Variants in WNT2B observed in about 807,000 individuals in gnomAD.
The protein encoded by WNT2B is Wnt family member 2B.
A neutral mutation model predicts 40.5 loss-of-function variants in WNT2B; 19 were observed. That is an observed-to-expected ratio of 0.47 (90% CI 0.33 to 0.69). The LOEUF (loss-of-function observed/expected upper bound fraction) is 0.69. Among genes scored for constraint, WNT2B ranks in the 30% least tolerant of loss-of-function variants. The pLI, the probability that WNT2B is intolerant of heterozygous loss-of-function variation, is 0.02. For synonymous variants in WNT2B, 220 were observed against 211.9 expected, an observed-to-expected ratio of 1.04 and a Z score of -0.33; for missense variants, 467 against 556.4, an observed-to-expected ratio of 0.84 and a Z score of 1.62.
intron 1 of WNT2B, among the ~76,000 whole-genome samples, chr1:112,489,329 C>T (rs1188525769): frequency 7.3e-5 from 11 of 151,646 alleles, no homozygotes; most frequent in African/African-American, 9.7e-5. Flanking sequence ...GAGGCCGAGG[C>T]GGGCAGATTA....
In WNT2B at chr1:112,522,018, T is replaced by C. The variant is rs1037802481; in HGVS notation, c.*1509T>C. The C allele has an allele frequency of 2.0e-5, 3 of 152,180 alleles. No homozygotes were observed. The highest frequency in any genetic ancestry group is 7.2e-5 in the African/African-American group (3 of 41,428). The allele number at this position is 152,180 out of a possible 1,614,324, so 9.4% of individuals were successfully genotyped here. Reference sequence around the variant, plus strand: ...TCTGTAAAATGAGGATACGTACCTGTTCTTTTTTTTCTTTCTTTTTATTTC... The same window carrying C: ...TCTGTAAAATGAGGATACGTACCTGCTCTTTTTTTTCTTTCTTTTTATTTC... On this transcript the variant is annotated 3_prime_UTR_variant, in exon 5 of 5. Transcript: ENST00000369684.
intron 1 of WNT2B, among the ~76,000 whole-genome samples, chr1:112,468,004 T>C (rs1296340671): frequency 6.6e-6 from 1 of 152,210 alleles, no homozygotes; most frequent in African/African-American, 2.4e-5. Flanking sequence ...CATTCTATTC[T>C]CTATGGCCAT....
rs537315534 is a variant in WNT2B at position 112,526,150 on chromosome 1, TAGG to T, written c.*5644_*5646del. The T allele has an allele frequency of 2.4e-4, 390 of 1,613,450 alleles. 6 individuals carry two copies. In the South Asian group the frequency reaches 4.1e-3, roughly 17 times the overall value. On this transcript the variant is annotated 3_prime_UTR_variant, in exon 5 of 5. Coordinates refer to ENST00000369684, the MANE Select transcript of WNT2B (RefSeq NM_024494.3). ...ATTGATACAAAATGTTCAAGCCCTGTAGGAGTCCCAGGACAGCCAAGAGAGTAT... is the reference window on the plus strand; with the variant it reads ...ATTGATACAAAATGTTCAAGCCCTGTAGTCCCAGGACAGCCAAGAGAGTAT...
intron 1 of WNT2B, among the ~76,000 whole-genome samples, chr1:112,511,632 A>G (rs1652354139): frequency 6.6e-6 from 1 of 152,074 alleles, no homozygotes; most frequent in African/African-American, 2.4e-5. Context: ...TTACTCTCTA[A>G]CCACTGCCCT....
chr1:112,509,385 T>C lies in WNT2B; in HGVS notation c.123T>C (p.Leu41=). The change falls in exon 1 of 5, where the codon CTT becomes CTC. Residue 41 remains leucine (L), a synonymous_variant. Coordinates refer to ENST00000369684, the MANE Select transcript of WNT2B (RefSeq NM_024494.3). This position sits in a 1 kb window ranked among gnomAD's most constrained non-coding sequence, Gnocchi z 4.2. ...DGSRASARLG[L]ACLLLLLLLT... is the part of the protein sequence containing the mutation. ...CCCGGGCTTCGGCCCGCCTAGGTCT[T>C]GCCTGCCTTCTGCTCCTGCTGCTGC... 6.3e-7 allele frequency: 1 copy of C among 1,596,968 alleles called. No homozygotes were observed. The highest frequency in any genetic ancestry group is 1.7e-5 in the Admixed American group (1 of 59,480).
chr1:112,479,287 G>T (rs980687274), intron 1 of WNT2B, among the ~76,000 whole-genome samples: 1 of 151,564 alleles, frequency 6.6e-6, no homozygotes, highest in Non-Finnish European at 1.5e-5. Context: ...ACAAAAATTT[G>T]CAGGGGCTGG....
chr1:112,496,097 A>C (rs1456338238), intron 1 of WNT2B, among the ~76,000 whole-genome samples: 1 of 152,156 alleles, frequency 6.6e-6, no homozygotes, highest in African/African-American at 2.4e-5. Context: ...CATGAATTCC[A>C]TGGGGGATGG....
In WNT2B at chr1:112,529,346, G is replaced by A. The variant is rs1017752703; in HGVS notation, c.*8837G>A. On this transcript the variant is annotated 3_prime_UTR_variant, in exon 5 of 5. Coordinates refer to ENST00000369684, the MANE Select transcript of WNT2B (RefSeq NM_024494.3). Reference sequence around the variant, plus strand: ...CTCCCCTAGGTAGTTTATAAAGGGTGATTTCTGAAACCCTTCACAAAAGAA... The same window carrying A: ...CTCCCCTAGGTAGTTTATAAAGGGTAATTTCTGAAACCCTTCACAAAAGAA... The A allele has an allele frequency of 6.6e-6, 1 of 152,136 alleles. No individual in the cohort carries two copies. The highest frequency in any genetic ancestry group is 1.5e-5 in the Non-Finnish European group (1 of 68,030). 9.4% of individuals were successfully genotyped at this position (152,136 alleles called of 1,614,324 possible). A position where few individuals can be genotyped will look rare whatever the true frequency, so the allele number is the denominator to read the frequency against.
chr1:112,487,581 A>C (rs996003574), intron 1 of WNT2B, among the ~76,000 whole-genome samples: 1 of 152,208 alleles, frequency 6.6e-6, no homozygotes, highest in South Asian at 2.1e-4. Context: ...TAATTTATTG[A>C]ATACTAAAGT....
At chr1:112,485,884 T>G (rs1319152307) in intron 1 of WNT2B, among the ~76,000 whole-genome samples, 2 of 152,220 alleles carry the variant, frequency 1.3e-5, no homozygotes, top group Non-Finnish European at 2.9e-5. Flanking sequence ...TAATCCCAGC[T>G]ACTTTTTCTG....
intron 1 of WNT2B, chr1:112,490,921 C>G: frequency 7.4e-7 from 1 of 1,351,824 alleles, no homozygotes; most frequent in Non-Finnish European, 1.0e-6. Context: ...TAGCTCTACC[C>G]TAAATAAATC....
At chr1:112,498,624 G>A (rs115886338) in intron 1 of WNT2B, among the ~76,000 whole-genome samples, 168 of 151,942 alleles carry the variant, frequency 1.1e-3, no homozygotes, top group African/African-American at 3.8e-3. Flanking sequence ...GACATAACAC[G>A]GTCAAGTTCT....
At chr1:112,480,833 A>G (rs753961453) in intron 1 of WNT2B, among the ~76,000 whole-genome samples, 25 of 152,146 alleles carry the variant, frequency 1.6e-4, no homozygotes, top group Non-Finnish European at 2.9e-4. Context: ...AAAACCCTCA[A>G]TGAAATACTA....
intron 1 of WNT2B, among the ~76,000 whole-genome samples, chr1:112,492,101 A>G (rs1416438503): frequency 6.6e-6 from 1 of 152,182 alleles, no homozygotes; most frequent in African/African-American, 2.4e-5. Flanking sequence ...AAATATATAC[A>G]AAGGACTTAT....
chr1:112,472,670 T>C (rs1650917505), intron 1 of WNT2B, among the ~76,000 whole-genome samples: 2 of 150,758 alleles, frequency 1.3e-5, no homozygotes, highest in East Asian at 3.9e-4. Flanking sequence ...AGTCAAAAGG[T>C]AAAAATCACA....
At chr1:112,505,107 C>T (rs1282792320), upstream of WNT2B, among the ~76,000 whole-genome samples, 1 of 152,206 alleles carries the variant, frequency 6.6e-6, no homozygotes. Context: ...TGGGCACCCA[C>T]TTTTGAGAGG....
upstream of WNT2B, among the ~76,000 whole-genome samples, chr1:112,507,030 G>A (rs539574815): frequency 3.9e-5 from 6 of 152,196 alleles, no homozygotes; most frequent in African/African-American, 1.2e-4. Flanking sequence ...GATAACCCTC[G>A]TACACCAGCC....
At chr1:112,469,688 A>C (rs1252660510) in intron 1 of WNT2B, among the ~76,000 whole-genome samples, 1 of 151,642 alleles carries the variant, frequency 6.6e-6, no homozygotes, top group Non-Finnish European at 1.5e-5. Context: ...ATCTCAGCTC[A>C]CTACAACCTC....
chr1:112,504,117 C>A (rs1403238371), upstream of WNT2B, among the ~76,000 whole-genome samples: 1 of 152,120 alleles, frequency 6.6e-6, no homozygotes, highest in Non-Finnish European at 1.5e-5. Context: ...AGTTGACCAC[C>A]CAGGATCCCA....
Sources: gnomAD v4.1 joint callset for allele counts (sites outside exome capture counted in the v4.1 genomes callset) on GRCh38, gnomAD v4.1.1 for gene constraint, Gnocchi (gnomAD v3.1) non-coding constraint, MANE v1.5 for transcripts, NCBI Gene and HGNC (gene_info 2026-07-23, HGNC 2026-07-21) for gene names.